The following TTC22 variants were observed in gnomAD, a reference collection of about 807,000 sequenced individuals.
The protein encoded by TTC22 is tetratricopeptide repeat domain 22, also known as tetratricopeptide repeat protein 22.
A neutral mutation model predicts 48.2 loss-of-function variants in TTC22; 42 were observed. The observed-to-expected ratio is 0.87, with a 90% CI of 0.68 to 1.13. TTC22 has a LOEUF of 1.13. Among genes scored for constraint, TTC22 ranks in the 50% most tolerant of loss-of-function variants. The pLI, the probability that TTC22 is intolerant of heterozygous loss-of-function variation, is 0.00. For missense variants in TTC22, 784 were observed against 807.0 expected (o/e 0.97, Z 0.34); for synonymous variants, 345 against 365.5 (o/e 0.94, Z 0.64).
intron 1 of TTC22, among the ~76,000 whole-genome samples, chr1:54,800,158 G>A (rs896667954): frequency 4.6e-5 from 7 of 152,130 alleles, no homozygotes; most frequent in Admixed American, 2.6e-4. Flanking sequence ...GGGAGTGTGC[G>A]GAGCCTTTGT....
At chr1:54,789,531 T>C (rs927436536) in intron 1 of TTC22, among the ~76,000 whole-genome samples, 1 of 152,176 alleles carries the variant, frequency 6.6e-6, no homozygotes, top group Admixed American at 6.5e-5. Context: ...TCCCACCAAC[T>C]GGTGTGACCA....
intron 1 of TTC22, among the ~76,000 whole-genome samples, chr1:54,796,620 G>T (rs1477770463): frequency 6.6e-6 from 1 of 152,228 alleles, no homozygotes; most frequent in Non-Finnish European, 1.5e-5. Flanking sequence ...GACTGCATGT[G>T]TTTGTGTTAA....
intron 1 of TTC22, among the ~76,000 whole-genome samples, chr1:54,793,690 G>A (rs1393584868): frequency 6.6e-6 from 1 of 152,170 alleles, no homozygotes; most frequent in Non-Finnish European, 1.5e-5. Context: ...ATGCTCTTTT[G>A]CTATATTAAT....
intron 1 of TTC22, among the ~76,000 whole-genome samples, chr1:54,795,075 G>C (rs1646380330): frequency 6.6e-6 from 1 of 152,236 alleles, no homozygotes; most frequent in Non-Finnish European, 1.5e-5. Context: ...CCCACACCCA[G>C]CTGTGGGTGG....
chr1:54,792,250 G>A (rs1646357602), intron 1 of TTC22, among the ~76,000 whole-genome samples: 1 of 152,228 alleles, frequency 6.6e-6, no homozygotes, highest in African/African-American at 2.4e-5. Flanking sequence ...CCGCTTGAGA[G>A]CAGCATTTGC....
At chr1:54,795,803 G>C (rs1174317463) in intron 1 of TTC22, among the ~76,000 whole-genome samples, 1 of 152,186 alleles carries the variant, frequency 6.6e-6, no homozygotes, top group Non-Finnish European at 1.5e-5. Flanking sequence ...CAGCTAAGTG[G>C]GGAGAGAAGC....
intron 5 of TTC22, chr1:54,785,409 G>A: frequency 3.4e-6 from 1 of 295,948 alleles, no homozygotes; most frequent in South Asian, 2.5e-5. Flanking sequence ...TTCAACTCTG[G>A]TCAGTCTGAT....
chr1:54,784,519 G>A (rs973450904), intron 5 of TTC22: 1 of 1,003,042 alleles, frequency 1.0e-6, no homozygotes, highest in Non-Finnish European at 1.2e-6. Context: ...GAGGGTTCTT[G>A]TGAACATTAA....
At position 54,800,932 on chromosome 1, in the gene TTC22, A is replaced by T. The variant is rs1273173948; in HGVS notation, c.232T>A (p.Tyr78Asn). Residue 78 changes from tyrosine to asparagine, a missense_variant, in exon 1 of 7, where the codon TAC becomes AAC. Physicochemically the swap from Tyr to Asn is moderately radical, Grantham distance 143. Transcript: ENST00000371276. Reference sequence around the variant, plus strand: ...CGGGCCTCGTCCAGCTCCTCCAGGTAGAATGCGAAAGCGCCCAGGAGGTGA... The same window carrying T: ...CGGGCCTCGTCCAGCTCCTCCAGGTTGAATGCGAAAGCGCCCAGGAGGTGA... ...VRHLLGAFAF[Y>N]LEELDEAREC... The T allele has an allele frequency of 3.1e-6, 5 of 1,608,630 alleles. No individual in the cohort carries two copies. The African/African-American group carries it at 6.7e-5, about 21-fold the overall frequency.
Position 54,782,347 on chromosome 1 carries a change from T to C in TTC22, c.1151A>G (p.Lys384Arg), listed in dbSNP as rs1646269561. The part of the protein sequence containing the change: ...EEVVRVCPGF[K>R]AYLDIGQVYY... The stretch of plus-strand genomic sequence containing the variant: ...TACCTGGCCGATGTCCAGGTACGCC[T>C]TGAAGCCTGGGCACACCCTGACCAC... Residue 384 changes from lysine (K) to arginine (R), a missense_variant, in exon 6 of 7, where the codon AAG becomes AGG. Coordinates refer to ENST00000371276, the MANE Select transcript of TTC22 (RefSeq NM_001114108.2). 1 of 1,546,824 alleles carries C rather than the reference T, an allele frequency of 6.5e-7. No homozygotes were observed. Among genetic ancestry groups the C allele is most frequent in the East Asian group, 2.5e-5 (1 of 40,776 alleles).
chr1:54,786,355 T>C (rs1646301453), intron 4 of TTC22: 2 of 504,526 alleles, frequency 4.0e-6, no homozygotes, highest in South Asian at 4.6e-5. Flanking sequence ...ACTCAACTCC[T>C]GAGAGCCTGG....
chr1:54,790,147 G>A (rs920871183), intron 1 of TTC22, among the ~76,000 whole-genome samples: 1 of 152,220 alleles, frequency 6.6e-6, no homozygotes, highest in Non-Finnish European at 1.5e-5. Flanking sequence ...AGGTGAGGCA[G>A]GAGAATCTCT....
intron 6 of TTC22, 138 bp from the exon 7 acceptor site, chr1:54,781,917 C>G (rs1030140030): frequency 1.1e-5 from 9 of 824,620 alleles, no homozygotes; most frequent in Middle Eastern, 3.8e-4. Context: ...ATTAATCACA[C>G]GTTTTATTCC....
At position 54,800,702 on chromosome 1, in the gene TTC22, GCCCTGCTCGGC is replaced by G. The variant is rs1646428291; in HGVS notation, c.451_461del (p.Ala151LeufsTer65). ...AGCCGACGTCGAAGCCATGCGCGTA[GCCCTGCTCGGC>G]CAGGCAGCGAGCGGCGCGGAGCTGG... On this transcript the variant is annotated frameshift_variant, in exon 1 of 7. Coordinates refer to ENST00000371276, the MANE Select transcript of TTC22 (RefSeq NM_001114108.2). LOFTEE classifies it high-confidence loss of function. The G allele has an allele frequency of 7.8e-6, 12 of 1,546,550 alleles. No homozygotes were observed. Among genetic ancestry groups the G allele is most frequent in the Non-Finnish European group, 1.0e-5 (12 of 1,152,970 alleles).
At position 54,801,269 on chromosome 1, in the gene TTC22, C is replaced by T. The variant is rs1646436642; in HGVS notation, c.-106G>A. On this transcript the variant is annotated 5_prime_UTR_variant, in exon 1 of 7. Coordinates refer to ENST00000371276, the MANE Select transcript of TTC22 (RefSeq NM_001114108.2). ...GCTCCGTGCGGGAGGCGAGGGGCAGCCGGCAGAGGCCCCGGGCGCTGCGGC... is the reference window on the plus strand; with the variant it reads ...GCTCCGTGCGGGAGGCGAGGGGCAGTCGGCAGAGGCCCCGGGCGCTGCGGC... 7 of 1,186,496 alleles carry T rather than the reference C, an allele frequency of 5.9e-6. No individual in the cohort carries two copies. Among genetic ancestry groups the T allele is most frequent in the Non-Finnish European group, 8.2e-6 (7 of 851,240 alleles). 73.5% of individuals were successfully genotyped at this position (1,186,496 alleles called of 1,614,324 possible). A position where few individuals can be genotyped will look rare whatever the true frequency, so the allele number is the denominator to read the frequency against.
intron 5 of TTC22, chr1:54,785,127 C>A: frequency 1.0e-5 from 2 of 194,316 alleles, no homozygotes; most frequent in South Asian, 7.5e-5. Flanking sequence ...GAGTATTTTG[C>A]CAAAGGTCCC....
rs933696294 is a variant in TTC22 at position 54,787,437 on chromosome 1, C to G, written c.739+274G>C. ...TCCAACAGAGGCTTCAATCTTCTGA[C>G]CATAAATAGGTGGAAATAGGGGAAA... On this transcript the variant is annotated intron_variant, in intron 3 of 6. Coordinates refer to ENST00000371276, the MANE Select transcript of TTC22 (RefSeq NM_001114108.2). 4 of 574,172 alleles carry G rather than the reference C, an allele frequency of 7.0e-6. No individual in the cohort carries two copies. The African/African-American group carries it at 7.5e-5, about 11-fold the overall frequency. 35.6% of individuals were successfully genotyped at this position (574,172 alleles called of 1,614,324 possible). A position where few individuals can be genotyped will look rare whatever the true frequency, so the allele number is the denominator to read the frequency against.
chr1:54,801,309 G>C lies in TTC22; in HGVS notation c.-146C>G, dbSNP rs1570125445. On this transcript the variant is annotated 5_prime_UTR_variant, in exon 1 of 7. Transcript: ENST00000371276. Reference sequence around the variant, plus strand: ...GGCGCTGCGGCCTCTCGGTCTCAGGGCGCCTCCCGCAGGTGGGTGGGCCCG... The same window carrying C: ...GGCGCTGCGGCCTCTCGGTCTCAGGCCGCCTCCCGCAGGTGGGTGGGCCCG... 47 of 795,006 alleles carry C rather than the reference G, an allele frequency of 5.9e-5. No individual in the cohort carries two copies. The East Asian group carries it at 1.3e-3, about 22-fold the overall frequency. 49.2% of individuals were successfully genotyped at this position (795,006 alleles called of 1,614,324 possible).
intron 1 of TTC22, among the ~76,000 whole-genome samples, chr1:54,791,935 G>A (rs1187224034): frequency 5.9e-5 from 9 of 151,890 alleles, no homozygotes; most frequent in Non-Finnish European, 1.0e-4. Flanking sequence ...CGAGGACACC[G>A]AGACAAGAGA....
Sources: gnomAD v4.1 joint callset for allele counts (sites outside exome capture counted in the v4.1 genomes callset) on GRCh38, gnomAD v4.1.1 for gene constraint, MANE v1.5 for transcripts, NCBI Gene and HGNC (gene_info 2026-07-23, HGNC 2026-07-21) for gene names.